Variants in PPP2R2D observed in about 807,000 individuals in gnomAD.
The protein encoded by PPP2R2D is protein phosphatase 2 regulatory subunit Bdelta.
Under a neutral mutation model 31.1 loss-of-function variants are expected in PPP2R2D, and 9 were observed. The ratio of observed to expected loss-of-function variants is 0.29; its 90% CI spans 0.17 to 0.51. The LOEUF is 0.51. Ranked by LOEUF, PPP2R2D falls within the 20% of genes least tolerant of loss-of-function variation. The pLI is 0.98. For missense variants in PPP2R2D, 391 were observed against 465.6 expected (o/e 0.84, Z 1.48); for synonymous variants, 179 against 172.6 (o/e 1.04, Z -0.29).
In PPP2R2D at chr10:131,934,495, A is replaced by G. The variant is rs370485518; in HGVS notation, c.138A>G (p.Gly46=). The stretch of plus-strand genomic sequence containing the variant: ...CCACCGTTGAGTTTAATTACTCTGG[A>G]GATCTTCTTGCAACAGGAGACAAGG... ...IISTVEFNYS[G]DLLATGDKGG... The change falls in exon 3 of 9, where the codon GGA becomes GGG. Residue 46 remains glycine, a synonymous_variant. Coordinates refer to ENST00000455566, the MANE Select transcript of PPP2R2D (RefSeq NM_018461.5). 3 of 780,436 alleles carry G rather than the reference A, an allele frequency of 3.8e-6. No individual in the cohort carries two copies. The highest frequency in any genetic ancestry group is 7.2e-6 in the Non-Finnish European group (3 of 417,942). 48.3% of individuals were successfully genotyped at this position (780,436 alleles called of 1,614,324 possible).
chr10:131,954,328 T>C (rs1377404496), intron 8 of PPP2R2D, among the ~76,000 whole-genome samples: 4 of 152,264 alleles, frequency 2.6e-5, no homozygotes, highest in Non-Finnish European at 4.4e-5. Context: ...GAATAATGGT[T>C]ACTGTTGAGT....
intron 2 of PPP2R2D, among the ~76,000 whole-genome samples, chr10:131,915,527 G>A (rs1033291485): frequency 2.0e-5 from 3 of 152,188 alleles, no homozygotes; most frequent in South Asian, 2.1e-4. Context: ...GTCCATCTCC[G>A]TTTTAACTCC....
chr10:131,902,099 G>C (rs1488735413), intron 2 of PPP2R2D, among the ~76,000 whole-genome samples: 1 of 152,142 alleles, frequency 6.6e-6, no homozygotes, highest in African/African-American at 2.4e-5. Context: ...AAGCTTACCT[G>C]TCACCTTAAA....
intron 2 of PPP2R2D, among the ~76,000 whole-genome samples, chr10:131,911,034 G>C (rs1040339294): frequency 6.6e-6 from 1 of 152,118 alleles, no homozygotes; most frequent in Non-Finnish European, 1.5e-5. Flanking sequence ...ATAATAAACC[G>C]CTAAACTAAA....
intron 2 of PPP2R2D, among the ~76,000 whole-genome samples, chr10:131,919,946 C>T (rs543062401): frequency 3.4e-5 from 5 of 148,230 alleles, no homozygotes; most frequent in Admixed American, 6.7e-5. Flanking sequence ...AGGGACCTCA[C>T]ACGGGTGGAA....
the PPP2R2D span, chr10:131,970,412 CTCG>C: frequency 1.6e-6 from 1 of 608,648 alleles, no homozygotes; most frequent in Non-Finnish European, 2.8e-6. The surrounding 1 kb of genome is among the most constrained non-coding windows in gnomAD (Gnocchi z 4.1). Context: ...AACAGGCAGA[CTCG>C]TCAGGCCAGA....
chr10:131,941,091 G>T (rs1490705629), intron 5 of PPP2R2D, among the ~76,000 whole-genome samples: 1 of 152,132 alleles, frequency 6.6e-6, no homozygotes, highest in Non-Finnish European at 1.5e-5. Flanking sequence ...ATGAGCTGTG[G>T]GCCACAGGTA....
At chr10:131,962,307 C>G (rs2036936466), downstream of PPP2R2D, among the ~76,000 whole-genome samples, 1 of 152,112 alleles carries the variant, frequency 6.6e-6, no homozygotes, top group South Asian at 2.1e-4. Context: ...GAGGGGCGGT[C>G]CAGTCCTAAG....
At chr10:131,965,096 G>T in the PPP2R2D span, among the ~76,000 whole-genome samples, 1 of 152,024 alleles carries the variant, frequency 6.6e-6, no homozygotes, top group Non-Finnish European at 1.5e-5. Context: ...TTGCAGTTTG[G>T]ACGGGGCTCA....
At chr10:131,929,139 C>CT (rs1554895335) in intron 2 of PPP2R2D, among the ~76,000 whole-genome samples, 1 of 152,194 alleles carries the variant, frequency 6.6e-6, no homozygotes, top group African/African-American at 2.4e-5. Flanking sequence ...CCTCGGAAAT[C>CT]TTGGTTTCAG....
chr10:131,971,174 C>G, the PPP2R2D span: 5 of 578,422 alleles, frequency 8.6e-6, no homozygotes, highest in Admixed American at 1.2e-4. Context: ...ACAGCACGCT[C>G]GCCGCCTCCA....
Position 131,956,325 on chromosome 10 carries a change from A to G in PPP2R2D, c.*362A>G, listed in dbSNP as rs537327091. ...ATTGTCAGATACCGCTCTTTCTCCA[A>G]CTTTCCCTCTTTCTCTGCCATCACA... On this transcript the variant is annotated 3_prime_UTR_variant, in exon 9 of 9. Coordinates refer to ENST00000455566, the MANE Select transcript of PPP2R2D (RefSeq NM_018461.5). 7.0e-6 allele frequency: 7 copies of G among 995,790 alleles called. No individual in the cohort carries two copies. The African/African-American group carries it at 8.6e-5, about 12-fold the overall frequency. The allele number at this position is 995,790 out of a possible 1,614,324, so 61.7% of individuals were successfully genotyped here.
intron 7 of PPP2R2D, among the ~76,000 whole-genome samples, chr10:131,946,475 C>T (rs929624480): frequency 3.9e-5 from 6 of 152,112 alleles, no homozygotes; most frequent in Non-Finnish European, 7.4e-5. Context: ...GCCCATGGAC[C>T]GTGTGCAGCA....
Position 131,945,422 on chromosome 10 carries a change from C to T in PPP2R2D, c.783C>T (p.Asp261=). 2.5e-6 allele frequency: 4 copies of T among 1,614,110 alleles called. No homozygotes were observed. The highest frequency in any genetic ancestry group is 2.2e-5 in the South Asian group (2 of 91,072). The change falls in exon 7 of 9, where the codon GAC becomes GAT. Residue 261 remains aspartate (D), a synonymous_variant. Transcript: ENST00000455566. The surrounding 1 kb of genome is among the most constrained non-coding windows in gnomAD (Gnocchi z 4.8). Reference sequence around the variant, plus strand: ...GCAAAGGGACCATCCGCCTGTGTGACATGCGCTCCTCGGCCCTGTGCGACA... The same window carrying T: ...GCAAAGGGACCATCCGCCTGTGTGATATGCGCTCCTCGGCCCTGTGCGACA... ...SSSKGTIRLC[D]MRSSALCDRH...
In PPP2R2D at chr10:131,940,167, A is replaced by G; in HGVS notation, c.335A>G (p.Asn112Ser). 1.3e-6 allele frequency: 1 copy of G among 765,394 alleles called. No homozygotes were observed. The highest frequency in any genetic ancestry group is 2.3e-4 in the Middle Eastern group (1 of 4,374). 47.4% of individuals were successfully genotyped at this position (765,394 alleles called of 1,614,324 possible). A position where few individuals can be genotyped will look rare whatever the true frequency, so the allele number is the denominator to read the frequency against. Residue 112 changes from asparagine (N) to serine (S), a missense_variant, in exon 4 of 9, where the codon AAT (asparagine) becomes AGT (serine). Transcript: ENST00000455566. ...AAAATTAGGTGGTTACCACAACAGA[A>G]TGCTGCTCATTTTCTACTGTCTACA... ...INKIRWLPQQ[N>S]AAHFLLSTND...
intron 2 of PPP2R2D, among the ~76,000 whole-genome samples, chr10:131,930,587 TG>T (rs1251557472): frequency 6.6e-6 from 1 of 152,262 alleles, no homozygotes; most frequent in Non-Finnish European, 1.5e-5. Flanking sequence ...CCCAGAATTT[TG>T]AGGGTAGTTT....
At chr10:131,918,848 G>GTGCT (rs2035892567) in intron 2 of PPP2R2D, among the ~76,000 whole-genome samples, 2 of 143,966 alleles carry the variant, frequency 1.4e-5, no homozygotes, top group Non-Finnish European at 3.0e-5. Context: ...GAATGACACA[G>GTGCT]TGTAGGGACC....
In PPP2R2D at chr10:131,957,517, T is replaced by C; in HGVS notation, c.*1554T>C. ...TGTGTGCTGATCCCCCGTCCCCCTGTGGAGATGAAGGTGTGTGCTGATCCC... is the reference window on the plus strand; with the variant it reads ...TGTGTGCTGATCCCCCGTCCCCCTGCGGAGATGAAGGTGTGTGCTGATCCC... On this transcript the variant is annotated 3_prime_UTR_variant, in exon 9 of 9. Transcript: ENST00000455566. 1 of 187,556 alleles carries C rather than the reference T, an allele frequency of 5.3e-6. No homozygotes were observed. Among genetic ancestry groups the C allele is most frequent in the Non-Finnish European group, 1.1e-5 (1 of 90,996 alleles). 11.6% of individuals were successfully genotyped at this position (187,556 alleles called of 1,614,324 possible).
chr10:131,945,296 C>T lies in PPP2R2D; in HGVS notation c.657C>T (p.Asn219=), dbSNP rs782579989. Reference sequence around the variant, plus strand: ...TGTGCCTTAACCATGCACTCCCAGACATCGTGGACATCAAGCCTGCTAACA... The same window carrying T: ...TGTGCCTTAACCATGCACTCCCAGATATCGTGGACATCAAGCCTGCTAACA... ...WHLEITDRSF[N]IVDIKPANME... Residue 219 remains asparagine (N), a splice_region_variant and synonymous_variant, in exon 7 of 9, where the codon AAC becomes AAT. Transcript: ENST00000455566. The surrounding 1 kb of genome is among the most constrained non-coding windows in gnomAD (Gnocchi z 4.8). The T allele has an allele frequency of 2.5e-6, 4 of 1,612,604 alleles. No homozygotes were observed. The African/African-American group carries it at 5.3e-5, about 22-fold the overall frequency.
Sources: gnomAD v4.1 joint callset for allele counts (sites outside exome capture counted in the v4.1 genomes callset) on GRCh38, gnomAD v4.1.1 for gene constraint, Gnocchi (gnomAD v3.1) non-coding constraint, MANE v1.5 for transcripts, NCBI Gene and HGNC (gene_info 2026-07-23, HGNC 2026-07-21) for gene names.